CLVS1: variants seen among roughly 807,000 people sequenced by gnomAD.
CLVS1 encodes the protein clavesin 1, also known as clavesin-1.
Under a neutral mutation model 33.1 loss-of-function variants are expected in CLVS1, and 10 were observed. The observed-to-expected ratio is 0.30, with a 90% CI of 0.19 to 0.51. The LOEUF is 0.51. Ranked by LOEUF, CLVS1 falls within the 20% of genes least tolerant of loss-of-function variation. CLVS1 has a pLI of 0.97. For synonymous variants in CLVS1, 163 were observed against 166.1 expected (o/e 0.98, Z 0.14); for missense variants, 343 against 433.4 (o/e 0.79, Z 1.85).
chr8:61,190,569 A>C (rs533762204), intron 2 of CLVS1, among the ~76,000 whole-genome samples: 2 of 152,212 alleles, frequency 1.3e-5, no homozygotes, highest in Non-Finnish European at 2.9e-5. Flanking sequence ...CCTTCAAAAA[A>C]TCAATGAATC....
chr8:61,230,172 G>A (rs1460542468), intron 2 of CLVS1, among the ~76,000 whole-genome samples: 1 of 152,190 alleles, frequency 6.6e-6, no homozygotes, highest in Non-Finnish European at 1.5e-5. Context: ...CACAGATGAA[G>A]TTCTTCAAGG....
rs146276653 is a variant in CLVS1, at chr8:61,136,673, C to T, written c.-152+4813C>T. Among the ~76,000 whole-genome samples the T allele has an allele frequency of 1.5e-4, 23 of 152,150 alleles. 1 individual carries two copies. In the East Asian group the frequency reaches 1.7e-3, roughly 11 times the overall value. ...ACACATAGAAGGGAACAACACACAC[C>T]GGGGCCTTTTGGAGGGTGGAGTGTG... On this transcript the variant is annotated intron_variant, in intron 2 of 2. Transcript: ENST00000522621.
intron 2 of CLVS1, among the ~76,000 whole-genome samples, chr8:61,169,156 T>C (rs1007928920): frequency 6.6e-6 from 1 of 152,148 alleles, no homozygotes; most frequent in Admixed American, 6.6e-5. Flanking sequence ...CAGCTTTTAG[T>C]GTGTGTGAAA....
At chr8:61,347,431 G>A (rs751010000) in intron 2 of CLVS1, among the ~76,000 whole-genome samples, 5 of 151,734 alleles carry the variant, frequency 3.3e-5, no homozygotes, top group Admixed American at 6.6e-5. Flanking sequence ...GTACTCAAAG[G>A]AGCAGAGAGT....
rs181042772 is a variant in CLVS1 at position 61,450,038 on chromosome 8, G to A, written c.631-4103G>A. Among the ~76,000 whole-genome samples the A allele has an allele frequency of 2.0e-5, 3 of 152,198 alleles. No homozygotes were observed. The South Asian group carries it at 6.2e-4, about 31-fold the overall frequency. On this transcript the variant is annotated intron_variant, in intron 3 of 5. Transcript: ENST00000325897. ...ACTCCATTGTTGCAGCAGAAGAGTG[G>A]CTGTGAGACCCCTCAAGAGGACACC...
intron 2 of CLVS1, among the ~76,000 whole-genome samples, chr8:61,336,412 T>C (rs1811805494): frequency 6.6e-6 from 1 of 152,220 alleles, no homozygotes; most frequent in African/African-American, 2.4e-5. Context: ...AGAGCCAGAC[T>C]GCAGCCTGGC....
Position 61,123,587 on chromosome 8 carries a change from AT to A in CLVS1, c.-242-8176del, listed in dbSNP as rs552988254. Among the ~76,000 whole-genome samples, 3 of 152,302 alleles carry A rather than the reference AT, an allele frequency of 2.0e-5. No individual in the cohort carries two copies. The East Asian group carries it at 5.8e-4, about 29-fold the overall frequency. ...CCAAGGTTTCAAAATAACTATAAATATTTTTTTCTTCATTATTAACTTAGTA... is the reference window on the plus strand; with the variant it reads ...CCAAGGTTTCAAAATAACTATAAATATTTTTTCTTCATTATTAACTTAGTA... On this transcript the variant is annotated intron_variant, in intron 1 of 2. Coordinates refer to the CLVS1 transcript ENST00000522621.
intron 3 of CLVS1, among the ~76,000 whole-genome samples, chr8:61,400,876 T>G (rs553139110): frequency 1.3e-5 from 2 of 152,318 alleles, no homozygotes; most frequent in South Asian, 4.1e-4. Flanking sequence ...CATCCAGGGA[T>G]GAAGCCTACT....
intron 2 of CLVS1, among the ~76,000 whole-genome samples, chr8:61,197,757 T>C (rs1302409999): frequency 1.3e-5 from 2 of 152,202 alleles, no homozygotes; most frequent in Non-Finnish European, 2.9e-5. Context: ...TGACCTCAAG[T>C]GATCCACCTA....
chr8:61,329,112 T>G (rs1334391582), intron 2 of CLVS1, among the ~76,000 whole-genome samples: 1 of 152,178 alleles, frequency 6.6e-6, no homozygotes, highest in Non-Finnish European at 1.5e-5. Context: ...TTCTTTTAAT[T>G]TAATTTTTAT....
intron 4 of CLVS1, 123 bp from the exon 5 acceptor site, chr8:61,458,184 C>T: frequency 2.9e-6 from 2 of 688,602 alleles, no homozygotes; most frequent in Middle Eastern, 2.7e-4. Flanking sequence ...ATCAATGCCT[C>T]TTTAAACACT....
the CLVS1 span, among the ~76,000 whole-genome samples, chr8:61,010,141 A>G: frequency 2.6e-5 from 4 of 151,894 alleles, no homozygotes; most frequent in Non-Finnish European, 4.4e-5. Flanking sequence ...AATGTTGCCT[A>G]CTCTTGCTCC....
intron 1 of CLVS1, among the ~76,000 whole-genome samples, chr8:61,116,321 G>T (rs1345592135): frequency 2.0e-5 from 3 of 152,092 alleles, no homozygotes; most frequent in East Asian, 3.9e-4. Flanking sequence ...CCATTTGGTT[G>T]CCTGTTCACT....
chr8:61,491,832 TTACAAG>T (rs1424926517), intron 5 of CLVS1, among the ~76,000 whole-genome samples: 1 of 152,212 alleles, frequency 6.6e-6, no homozygotes, highest in Non-Finnish European at 1.5e-5. Context: ...TGAGATAAAA[TTACAAG>T]TACAATTTCA....
chr8:60,997,595 T>C, the CLVS1 span, among the ~76,000 whole-genome samples: 1 of 152,278 alleles, frequency 6.6e-6, no homozygotes, highest in East Asian at 1.9e-4. Context: ...GGGTTCACAG[T>C]CTCCATCTGT....
intron 3 of CLVS1, among the ~76,000 whole-genome samples, chr8:61,394,240 T>A (rs1284029583): frequency 6.6e-6 from 1 of 152,110 alleles, no homozygotes; most frequent in Non-Finnish European, 1.5e-5. Context: ...TGCAGCAGGA[T>A]TGTTCTGTTA....
At chr8:61,286,351 C>T (rs985067117), upstream of CLVS1, among the ~76,000 whole-genome samples, 3 of 152,160 alleles carry the variant, frequency 2.0e-5, no homozygotes, top group African/African-American at 7.2e-5. Flanking sequence ...CAGTGGTTAT[C>T]AAAAATATCT....
At chr8:61,215,715 TGTGTGTGTGTGTG>T (rs749289065) in intron 2 of CLVS1, among the ~76,000 whole-genome samples, 1 of 147,434 alleles carries the variant, frequency 6.8e-6, no homozygotes, top group Non-Finnish European at 1.5e-5. Context: ...TGTGTGTGTG[TGTGTGTGTGTGTG>T]TTTTCTGTGT....
chr8:61,096,692 A>G (rs1172394792), intron 1 of CLVS1, among the ~76,000 whole-genome samples: 1 of 152,126 alleles, frequency 6.6e-6, no homozygotes, highest in African/African-American at 2.4e-5. Flanking sequence ...ACTCTAAGTG[A>G]GTGAGCCTGG....
Sources: gnomAD v4.1 joint callset for allele counts (sites outside exome capture counted in the v4.1 genomes callset) on GRCh38, gnomAD v4.1.1 for gene constraint, MANE v1.5 for transcripts, NCBI Gene and HGNC (gene_info 2026-07-23, HGNC 2026-07-21) for gene names.